Variants in ITGA9 observed in about 807,000 individuals in gnomAD.
ITGA9 encodes integrin alpha-9.
In ITGA9, 56 loss-of-function variants were observed where a neutral mutation model predicts 127.8. The ratio of observed to expected loss-of-function variants is 0.44; its 90% CI spans 0.35 to 0.55. The LOEUF is 0.55. Among genes scored for constraint, ITGA9 ranks in the 20% least tolerant of loss-of-function variants. The pLI, the probability that ITGA9 is intolerant of heterozygous loss-of-function variation, is 0.00. For missense variants in ITGA9, 1,196 were observed against 1,347.1 expected, an observed-to-expected ratio of 0.89 and a Z score of 1.76; for synonymous variants, 508 against 514.5, an observed-to-expected ratio of 0.99 and a Z score of 0.17.
At chr3:37,533,174 C>A (rs1699173739) in intron 13 of ITGA9, 140 bp from the exon 14 acceptor site, 1 of 794,454 alleles carries the variant, frequency 1.3e-6, no homozygotes, top group Non-Finnish European at 2.1e-6. Flanking sequence ...AACATACTAG[C>A]CCTTCTCTCT....
intron 15 of ITGA9, among the ~76,000 whole-genome samples, chr3:37,604,465 T>C (rs1699948830): frequency 6.6e-6 from 1 of 152,226 alleles, no homozygotes; most frequent in Non-Finnish European, 1.5e-5. Context: ...TATAGGCTAT[T>C]GTGTATAACT....
chr3:37,678,315 C>T (rs776878151), intron 17 of ITGA9, among the ~76,000 whole-genome samples: 1 of 152,206 alleles, frequency 6.6e-6, no homozygotes, highest in African/African-American at 2.4e-5. Context: ...TTCAATTTCT[C>T]CACATTCTTG....
rs570670061 is a variant in ITGA9, at chr3:37,729,970, G to A, written c.2068-2742G>A. On this transcript the variant is annotated intron_variant, in intron 18 of 27. Transcript: ENST00000264741. ...GCCTGCCTCGGCCTCCCAGAGTGCT[G>A]GGATTACAGGCATGAGCCACAGCGC... Among the ~76,000 whole-genome samples the A allele has an allele frequency of 4.6e-5, 7 of 152,240 alleles. No homozygotes were observed. In the East Asian group the frequency reaches 1.2e-3, roughly 25 times the overall value.
intron 15 of ITGA9, among the ~76,000 whole-genome samples, chr3:37,622,012 C>T (rs1700133170): frequency 6.6e-6 from 1 of 152,118 alleles, no homozygotes; most frequent in South Asian, 2.1e-4. Context: ...AGCATTGTCT[C>T]TTCCTTTCTG....
chr3:37,604,398 A>C (rs1699948214), intron 15 of ITGA9, among the ~76,000 whole-genome samples: 3 of 152,250 alleles, frequency 2.0e-5, no homozygotes, highest in African/African-American at 7.2e-5. Flanking sequence ...TCCATTCATC[A>C]AGTGAATTTT....
rs1378823515 is a variant in ITGA9, at chr3:37,799,188, T to A, written c.2890-4635T>A. Among the ~76,000 whole-genome samples, 1 of 152,190 alleles carries A rather than the reference T, an allele frequency of 6.6e-6. No homozygotes were observed. The highest frequency in any genetic ancestry group is 1.5e-5 in the Non-Finnish European group (1 of 68,026). On this transcript the variant is annotated intron_variant, in intron 26 of 27. Coordinates refer to ENST00000264741, the MANE Select transcript of ITGA9 (RefSeq NM_002207.3). The surrounding 1 kb of genome is among the most constrained non-coding windows in gnomAD (Gnocchi z 4.0). The stretch of plus-strand genomic sequence containing the variant: ...ATTTTTATTTTATTTTTTAATTTTT[T>A]ATTTTTTTAAGACAGAGTCTTGCTC...
rs1265308861 is a variant in ITGA9 at position 37,512,180 on chromosome 3, TTTTCTTTTCTTTTCTTTTCTTTTCTTTTC to T, written c.898-1575_898-1547del. 1.6e-3 allele frequency among the ~76,000 whole-genome samples: 104 copies of T among 63,228 alleles called. 7 individuals are homozygous for T. The highest frequency in any genetic ancestry group is 3.1e-3 in the African/African-American group (38 of 12,448). The allele number at this position is 63,228 out of a possible 152,430, so 41.5% of individuals were successfully genotyped here. On this transcript the variant is annotated intron_variant, in intron 8 of 27. Transcript: ENST00000264741. The stretch of plus-strand genomic sequence containing the variant: ...TTTTCTTTTCTTTTCTTTTCTTTTC[TTTTCTTTTCTTTTCTTTTCTTTTCTTTTC>T]TTTCTTTCTTTCTTCTTTCTTTTCT...
At position 37,452,162 on chromosome 3, in the gene ITGA9, G is replaced by A. The variant is rs1454660360; in HGVS notation, c.-213G>A. Reference sequence around the variant, plus strand: ...GCGCAGACTTCTCGGGCGGACTGAGGACGCCGCCGCTCGGGGCCGCCCCTG... The same window carrying A: ...GCGCAGACTTCTCGGGCGGACTGAGAACGCCGCCGCTCGGGGCCGCCCCTG... On this transcript the variant is annotated 5_prime_UTR_variant, in exon 1 of 28. Coordinates refer to ENST00000264741, the MANE Select transcript of ITGA9 (RefSeq NM_002207.3). The surrounding 1 kb of genome is among the most constrained non-coding windows in gnomAD (Gnocchi z 7.3). 11 of 152,466 alleles carry A rather than the reference G, an allele frequency of 7.2e-5. No individual in the cohort carries two copies. The highest frequency in any genetic ancestry group is 1.1e-4 in the Non-Finnish European group (8 of 70,376). 9.4% of individuals were successfully genotyped at this position (152,466 alleles called of 1,614,324 possible). A position where few individuals can be genotyped will look rare whatever the true frequency, so the allele number is the denominator to read the frequency against.
chr3:37,530,500 C>T (rs1699138901), intron 13 of ITGA9, among the ~76,000 whole-genome samples: 1 of 152,074 alleles, frequency 6.6e-6, no homozygotes, highest in African/African-American at 2.4e-5. Context: ...CAAATTAGCT[C>T]CCTGGAGATA....
intron 16 of ITGA9, among the ~76,000 whole-genome samples, chr3:37,636,954 G>A (rs543713766): frequency 0.023 from 3,456 of 151,972 alleles, 44 homozygotes; most frequent in African/African-American, 0.028. Context: ...GATATGCGGC[G>A]TTATTTCTGA....
chr3:37,803,551 G>A (rs1481831034), intron 26 of ITGA9, among the ~76,000 whole-genome samples: 1 of 152,180 alleles, frequency 6.6e-6, no homozygotes, highest in Non-Finnish European at 1.5e-5. Context: ...TTGGGAGGCC[G>A]AGGTGGGTGG....
At chr3:37,626,009 C>G (rs1415558854) in intron 15 of ITGA9, among the ~76,000 whole-genome samples, 1 of 152,170 alleles carries the variant, frequency 6.6e-6, no homozygotes, top group Non-Finnish European at 1.5e-5. Flanking sequence ...CCTACATGTC[C>G]AAATGCATTA....
intron 15 of ITGA9, among the ~76,000 whole-genome samples, chr3:37,611,050 T>C (rs1045251433): frequency 1.3e-5 from 2 of 152,160 alleles, no homozygotes; most frequent in African/African-American, 4.8e-5. Flanking sequence ...AAGTAAAGCA[T>C]CAGGTAAATA....
At chr3:37,708,056 A>T (rs1701027089) in intron 18 of ITGA9, among the ~76,000 whole-genome samples, 1 of 152,200 alleles carries the variant, frequency 6.6e-6, no homozygotes, top group East Asian at 1.9e-4. Context: ...GGCTTAATAC[A>T]GCAATCATTT....
chr3:37,648,903 G>A (rs1319850748), intron 16 of ITGA9, among the ~76,000 whole-genome samples: 1 of 150,750 alleles, frequency 6.6e-6, no homozygotes, highest in East Asian at 1.9e-4. Flanking sequence ...ATGTTAATGG[G>A]TACATAATAT....
intron 8 of ITGA9, among the ~76,000 whole-genome samples, chr3:37,511,867 A>G (rs1469899894): frequency 6.6e-6 from 1 of 152,198 alleles, no homozygotes; most frequent in African/African-American, 2.4e-5. Flanking sequence ...TCAGCTGCCA[A>G]CAAACTCCAA....
chr3:37,611,676 T>C (rs1455832896), intron 15 of ITGA9, among the ~76,000 whole-genome samples: 1 of 152,128 alleles, frequency 6.6e-6, no homozygotes, highest in Non-Finnish European at 1.5e-5. Flanking sequence ...CTTGGAAATC[T>C]TGTGGGGTCA....
At chr3:37,665,046 C>T (rs530707346) in intron 17 of ITGA9, among the ~76,000 whole-genome samples, 9 of 149,522 alleles carry the variant, frequency 6.0e-5, no homozygotes, top group African/African-American at 2.0e-4. Context: ...GATCTCAGCT[C>T]GCTGCAACCT....
At chr3:37,626,697 G>C (rs192339183) in intron 15 of ITGA9, among the ~76,000 whole-genome samples, 123 of 152,246 alleles carry the variant, frequency 8.1e-4, no homozygotes, top group African/African-American at 2.8e-3. Context: ...GAAGGTGGGG[G>C]TCAATAATCT....
Sources: allele counts gnomAD v4.1 joint callset (sites outside exome capture counted in the v4.1 genomes callset), GRCh38; gene constraint gnomAD v4.1.1; non-coding constraint Gnocchi (gnomAD v3.1); transcripts MANE v1.5; gene names NCBI Gene and HGNC (gene_info 2026-07-23, HGNC 2026-07-21).